Variants in SSH2 observed in about 807,000 individuals in gnomAD.
SSH2 encodes slingshot protein phosphatase 2.
In SSH2, 37 loss-of-function variants were observed where a neutral mutation model predicts 135.2. The ratio of observed to expected loss-of-function variants is 0.27; its 90% CI spans 0.21 to 0.36. The LOEUF (loss-of-function observed/expected upper bound fraction) is 0.36, where lower values mean the gene tolerates loss of function less well. Among genes scored for constraint, SSH2 ranks in the 10% least tolerant of loss-of-function variants. The pLI is 1.00. For missense variants in SSH2, 1,408 were observed against 1,765.3 expected, an observed-to-expected ratio of 0.80 and a Z score of 3.63; for synonymous variants, 628 against 646.2, an observed-to-expected ratio of 0.97 and a Z score of 0.43.
Position 29,631,136 on chromosome 17 carries a change from T to C in SSH2, c.4058A>G (p.Gln1353Arg), listed in dbSNP as rs781647176. ...NPEPTKSFVE[Q>R]LTTTECIVQS... ...CACAATACACTCTGTTGTTGTGAGT[T>C]GTTCTACAAAAGACTTGGTGGGCTC... Residue 1353 changes from glutamine to arginine, a missense_variant, in exon 16 of 16, where the codon CAA (glutamine) becomes CGA (arginine). Coordinates refer to ENST00000540801, the MANE Select transcript of SSH2 (RefSeq NM_001282129.2). 4.3e-6 allele frequency: 7 copies of C among 1,614,242 alleles called. No individual in the cohort carries two copies. The highest frequency in any genetic ancestry group is 3.3e-5 in the South Asian group (3 of 91,088).
rs777352798 is a variant in SSH2 at position 29,761,840 on chromosome 17, C to CGTGTGTGTGTGT, written c.188+32053_188+32054insACACACACACAC. On this transcript the variant is annotated intron_variant, in intron 3 of 15. Coordinates refer to ENST00000540801, the MANE Select transcript of SSH2 (RefSeq NM_001282129.2). ...GAAATTCAGAGATTACACTCACATA[C>CGTGTGTGTGTGT]ATATGTGTGTGTGTGTGTGTGTGTG... Among the ~76,000 whole-genome samples, 103 of 133,884 alleles carry CGTGTGTGTGTGT rather than the reference C, an allele frequency of 7.7e-4. 1 individual carries two copies. The highest frequency in any genetic ancestry group is 2.9e-3 in the East Asian group (14 of 4,856). 87.8% of individuals were successfully genotyped at this position (133,884 alleles called of 152,430 possible). A position where few individuals can be genotyped will look rare whatever the true frequency, so the allele number is the denominator to read the frequency against.
At chr17:29,760,485 C>G (rs1384726089) in intron 3 of SSH2, among the ~76,000 whole-genome samples, 1 of 152,138 alleles carries the variant, frequency 6.6e-6, no homozygotes, top group South Asian at 2.1e-4. Flanking sequence ...TCAGAAACAG[C>G]TAAACCACAG....
intron 2 of SSH2, among the ~76,000 whole-genome samples, chr17:29,834,942 A>T (rs1485879351): frequency 1.3e-5 from 2 of 152,146 alleles, no homozygotes; most frequent in African/African-American, 4.8e-5. Context: ...TATCCTTTTT[A>T]AAAAATATAA....
intron 5 of SSH2, among the ~76,000 whole-genome samples, chr17:29,685,514 G>A (rs757408669): frequency 1.4e-4 from 21 of 152,132 alleles, no homozygotes; most frequent in Non-Finnish European, 2.5e-4. Context: ...GGCCAGGCAC[G>A]GTGGCTCATG....
intron 11 of SSH2, among the ~76,000 whole-genome samples, chr17:29,662,548 T>C (rs2151024717): frequency 6.6e-6 from 1 of 152,344 alleles, no homozygotes; most frequent in African/African-American, 2.4e-5. Context: ...ATGAATGTGA[T>C]AAAATAATCC....
rs183620751 is a variant in SSH2 at position 29,726,316 on chromosome 17, T to C, written c.189-23254A>G. On this transcript the variant is annotated intron_variant, in intron 3 of 15. Coordinates refer to ENST00000540801, the MANE Select transcript of SSH2 (RefSeq NM_001282129.2). ...GAGGGACAGAACAACTTCAATCCTA[T>C]TGTATGGGGAAACAGTGGAGAGGGC... Among the ~76,000 whole-genome samples the C allele has an allele frequency of 6.6e-5, 10 of 152,254 alleles. No homozygotes were observed. The East Asian group carries it at 9.7e-4, about 15-fold the overall frequency.
chr17:29,674,874 G>A (rs780914654), intron 8 of SSH2, among the ~76,000 whole-genome samples: 2 of 152,184 alleles, frequency 1.3e-5, no homozygotes, highest in Non-Finnish European at 2.9e-5. Flanking sequence ...GTGTTGGGCC[G>A]CATGCAAAGC....
At chr17:29,747,913 A>G (rs557708035) in intron 3 of SSH2, among the ~76,000 whole-genome samples, 19 of 152,354 alleles carry the variant, frequency 1.2e-4, no homozygotes, top group Admixed American at 1.0e-3. Flanking sequence ...AGAGACTGAC[A>G]ACATCTTTAG....
At position 29,667,223 on chromosome 17, in the gene SSH2, T is replaced by A; in HGVS notation, c.810A>T (p.Ile270=). 1 of 1,569,936 alleles carries A rather than the reference T, an allele frequency of 6.4e-7. No homozygotes were observed. The highest frequency in any genetic ancestry group is 8.7e-7 in the Non-Finnish European group (1 of 1,147,480). ...TTTCTGTTCGTTCACGTTCAGTAGG[T>A]CTGAGAAGAGAGAAATAACGATTAT... ...RPDSPALFTD[I]PTERERTERL... is the part of the protein sequence containing the mutation. Residue 270 remains isoleucine, a splice_region_variant and synonymous_variant, in exon 10 of 16, where the codon ATA becomes ATT. Coordinates refer to ENST00000540801, the MANE Select transcript of SSH2 (RefSeq NM_001282129.2).
At chr17:29,904,677 C>G (rs2066621410) in intron 1 of SSH2, among the ~76,000 whole-genome samples, 1 of 152,086 alleles carries the variant, frequency 6.6e-6, no homozygotes, top group Non-Finnish European at 1.5e-5. Flanking sequence ...AAAGAAATAA[C>G]AGGTATTCAA....
intron 3 of SSH2, among the ~76,000 whole-genome samples, chr17:29,723,442 C>T (rs547224439): frequency 6.6e-5 from 10 of 152,210 alleles, no homozygotes; most frequent in East Asian, 1.9e-4. Context: ...CCCAGTGTAA[C>T]GCTATATACA....
chr17:29,868,303 A>G (rs2065886035), intron 1 of SSH2, among the ~76,000 whole-genome samples: 1 of 152,146 alleles, frequency 6.6e-6, no homozygotes, highest in Admixed American at 6.5e-5. Context: ...ATTGTTAAAG[A>G]TGAGAGAAGC....
intron 9 of SSH2, 80 bp from the exon 10 acceptor site, chr17:29,667,303 G>A (rs190063995): frequency 9.3e-7 from 1 of 1,078,946 alleles, no homozygotes; most frequent in East Asian, 2.5e-5. Context: ...AAAGAAGAAT[G>A]ATCCTGTCTT....
chr17:29,703,107 A>T, intron 3 of SSH2, 45 bp from the exon 4 acceptor site: 1 of 1,387,758 alleles, frequency 7.2e-7, no homozygotes, highest in Non-Finnish European at 1.0e-6. Context: ...TAGGAAAGGA[A>T]ATCAAAGAGT....
intron 1 of SSH2, among the ~76,000 whole-genome samples, chr17:29,855,258 T>C (rs550622026): frequency 7.9e-5 from 12 of 152,154 alleles, no homozygotes; most frequent in African/African-American, 2.9e-4. Flanking sequence ...TCCCAACAAT[T>C]TGGGAGGCTG....
intron 14 of SSH2, chr17:29,645,864 T>C (rs1020994769): frequency 2.0e-5 from 3 of 152,150 alleles, no homozygotes; most frequent in East Asian, 1.9e-4. Flanking sequence ...GAAACCATAA[T>C]GCTATGCTGT....
intron 3 of SSH2, among the ~76,000 whole-genome samples, chr17:29,713,855 C>T (rs1049318578): frequency 1.3e-5 from 2 of 152,072 alleles, no homozygotes; most frequent in Non-Finnish European, 2.9e-5. Flanking sequence ...CAAAAATAAC[C>T]ACCACCTCCC....
At chr17:29,724,402 C>T (rs2039919563) in intron 3 of SSH2, among the ~76,000 whole-genome samples, 1 of 151,722 alleles carries the variant, frequency 6.6e-6, no homozygotes, top group Admixed American at 6.6e-5. Context: ...GTGGCACATG[C>T]CTGTAATCCC....
intron 3 of SSH2, among the ~76,000 whole-genome samples, chr17:29,717,691 T>A (rs2039672992): frequency 6.6e-6 from 1 of 152,022 alleles, no homozygotes; most frequent in African/African-American, 2.4e-5. Context: ...CAGAGATCTG[T>A]AGGAATTAGG....
Sources: allele counts gnomAD v4.1 joint callset (sites outside exome capture counted in the v4.1 genomes callset), GRCh38; gene constraint gnomAD v4.1.1; transcripts MANE v1.5; gene names NCBI Gene and HGNC (gene_info 2026-07-23, HGNC 2026-07-21).